The following OR6K2 variants were observed in gnomAD, a reference collection of about 807,000 sequenced individuals.
The protein encoded by OR6K2 is olfactory receptor family 6 subfamily K member 2.
For missense variants in OR6K2, 450 were observed against 402.5 expected, an observed-to-expected ratio of 1.12 and a Z score of -1.01; for synonymous variants, 139 against 143.8, an observed-to-expected ratio of 0.97 and a Z score of 0.24.
chr1:158,700,382 T>C lies in OR6K2; in HGVS notation c.271A>G (p.Ile91Val). 6.2e-7 allele frequency: 1 copy of C among 1,614,100 alleles called. No individual in the cohort carries two copies. Among genetic ancestry groups the C allele is most frequent in the Non-Finnish European group, 8.5e-7 (1 of 1,180,018 alleles). Residue 91 changes from isoleucine to valine, a missense_variant, in exon 1 of 1, where the codon ATT (isoleucine) becomes GTT (valine). Transcript: ENST00000359610. Reference protein sequence around the residue: ...MLSSLLSERSISFNGCLLQMY... With the variant: ...MLSSLLSERSVSFNGCLLQMY... ...TGCAGGAGACAACCATTGAAGGAAA[T>C]GCTCCTCTCACTAAGCAGGCTAGAC...
chr1:158,700,421 T>C lies in OR6K2; in HGVS notation c.232A>G (p.Ile78Val). 1.9e-6 allele frequency: 3 copies of C among 1,614,132 alleles called. No homozygotes were observed. Among genetic ancestry groups the C allele is most frequent in the African/African-American group, 1.3e-5 (1 of 75,012 alleles). The change falls in exon 1 of 1, where the codon ATC becomes GTC. Residue 78 changes from isoleucine (I) to valine (V), a missense_variant. Coordinates refer to ENST00000359610, the MANE Select transcript of OR6K2 (RefSeq NM_001005279.3). ...FLEIWYTTAT[I>V]PKMLSSLLSE... ...AGCAGGCTAGACAGCATCTTTGGGA[T>C]TGTGGCTGTGGTATACCAAATCTCC...
Position 158,700,286 on chromosome 1 carries a change from G to A in OR6K2, c.367C>T (p.Leu123=), listed in dbSNP as rs776703481. The A allele has an allele frequency of 6.2e-7, 1 of 1,612,030 alleles. No individual in the cohort carries two copies. The highest frequency in any genetic ancestry group is 1.1e-5 in the South Asian group (1 of 91,076). Reference sequence around the variant, plus strand: ...TAATGAAGAGGGCTGCATATGGCCAGGTAGTGGTCAAAGGCCATAACTGTC... The same window carrying A: ...TAATGAAGAGGGCTGCATATGGCCAAGTAGTGGTCAAAGGCCATAACTGTC... The part of the protein sequence containing the change: ...LLTVMAFDHY[L]AICSPLHYPS... Residue 123 remains leucine (L), a synonymous_variant, in exon 1 of 1, where the codon CTG becomes TTG. Coordinates refer to ENST00000359610, the MANE Select transcript of OR6K2 (RefSeq NM_001005279.3).
At position 158,700,370 on chromosome 1, in the gene OR6K2, C is replaced by A. The variant is rs773659942; in HGVS notation, c.283G>T (p.Gly95Cys). The A allele has an allele frequency of 3.1e-6, 5 of 1,614,152 alleles. No homozygotes were observed. The highest frequency in any genetic ancestry group is 3.4e-6 in the Non-Finnish European group (4 of 1,180,028). The change falls in exon 1 of 1, where the codon GGT (glycine) becomes TGT (cysteine). Residue 95 changes from glycine (G) to cysteine (C), a missense_variant. By Grantham distance (159) the Gly-to-Cys change is radical. Coordinates refer to ENST00000359610, the MANE Select transcript of OR6K2 (RefSeq NM_001005279.3). ...LLSERSISFN[G>C]CLLQMYFFHS... is the part of the protein sequence containing the mutation. ...AAGAAATACATCTGCAGGAGACAAC[C>A]ATTGAAGGAAATGCTCCTCTCACTA... is the stretch of plus-strand genomic sequence containing the variant.
Position 158,700,057 on chromosome 1 carries a change from A to G in OR6K2, c.596T>C (p.Val199Ala), listed in dbSNP as rs771676814. 1.3e-5 allele frequency: 21 copies of G among 1,614,038 alleles called. No individual in the cohort carries two copies. In the African/African-American group the frequency reaches 1.6e-4, roughly 12 times the overall value. ...CTCCACTGCATGAATGACATCCACT[A>G]CCTGAATCATGACGATGGCTCGTGT... ...TDTRAIVMIQVVDVIHAVEII... is the reference protein window; with the variant it reads ...TDTRAIVMIQAVDVIHAVEII... The change falls in exon 1 of 1, where the codon GTA becomes GCA. Residue 199 changes from valine to alanine, a missense_variant. Transcript: ENST00000359610.
chr1:158,699,692 T>C lies in OR6K2; in HGVS notation c.961A>G (p.Ser321Gly), dbSNP rs761520788. ...CAGAATCTCAACTAAAATATCTTACTTGAGGTCCCTGGTCTTACGGAAAAA... is the reference window on the plus strand; with the variant it reads ...CAGAATCTCAACTAAAATATCTTACCTGAGGTCCCTGGTCTTACGGAAAAA... ...IFFSVRPGTS[S>G]KIF The change falls in exon 1 of 1, where the codon AGT (serine) becomes GGT (glycine). Residue 321 changes from serine (S) to glycine (G), a missense_variant. Ser to Gly is a moderately conservative substitution (Grantham distance 56). Transcript: ENST00000359610. 2 of 1,607,610 alleles carry C rather than the reference T, an allele frequency of 1.2e-6. No homozygotes were observed. The highest frequency in any genetic ancestry group is 2.2e-5 in the East Asian group (1 of 44,854).
chr1:158,699,942 T>C lies in OR6K2; in HGVS notation c.711A>G (p.Thr237=). ...AGTGAGAGACACACGTGGAAAATGC[T>C]GTGCGGCGGCCTCCAGCTGAATGAA... ...LRIHSAGGRR[T]AFSTCVSHFI... Residue 237 remains threonine, a synonymous_variant, in exon 1 of 1, where the codon ACA becomes ACG. Coordinates refer to ENST00000359610, the MANE Select transcript of OR6K2 (RefSeq NM_001005279.3). 6.2e-7 allele frequency: 1 copy of C among 1,614,170 alleles called. No individual in the cohort carries two copies. Among genetic ancestry groups the C allele is most frequent in the Non-Finnish European group, 8.5e-7 (1 of 1,180,034 alleles).
In OR6K2 at chr1:158,699,723, C is replaced by T. The variant is rs1446800876; in HGVS notation, c.930G>A (p.Lys310=). The part of the protein sequence containing the change: ...EAIKKHIGQA[K]IFFSVRPGTS... ...TCCCTGGTCTTACGGAAAAAAATAT[C>T]TTAGCTTGACCTATGTGCTTTTTTA... Residue 310 remains lysine, a synonymous_variant, in exon 1 of 1, where the codon AAG becomes AAA. Coordinates refer to ENST00000359610, the MANE Select transcript of OR6K2 (RefSeq NM_001005279.3). 6.2e-7 allele frequency: 1 copy of T among 1,612,486 alleles called. No individual in the cohort carries two copies. The highest frequency in any genetic ancestry group is 2.2e-5 in the East Asian group (1 of 44,894).
chr1:158,699,983 C>A lies in OR6K2; in HGVS notation c.670G>T (p.Ala224Ser). ...LIFMSYDGIV[A>S]VILRIHSAGG... is the part of the protein sequence containing the mutation. ...GCTGAATGAATACGTAGAATTACAG[C>A]CACAATACCATCGTAGGACATGAAG... The change falls in exon 1 of 1, where the codon GCT (alanine) becomes TCT (serine). Residue 224 changes from alanine to serine, a missense_variant. By Grantham distance (99) the Ala-to-Ser change is moderately conservative. Transcript: ENST00000359610. 6.2e-7 allele frequency: 1 copy of A among 1,613,300 alleles called. No individual in the cohort carries two copies. Among genetic ancestry groups the A allele is most frequent in the South Asian group, 1.1e-5 (1 of 91,064 alleles).
chr1:158,700,119 A>T lies in OR6K2; in HGVS notation c.534T>A (p.Cys178Ter). Residue 178 changes from cysteine (C) to a stop codon, truncating the protein, a stop_gained, in exon 1 of 1, where the codon TGT (cysteine) becomes TGA (stop). Transcript: ENST00000359610. LOFTEE classifies it low-confidence loss of function (END_TRUNC). ...CCAGACGCAGCACTGGGAGGAAGTCACAGAAGATATGTTCAAGGTGATTCG... is the reference window on the plus strand; with the variant it reads ...CCAGACGCAGCACTGGGAGGAAGTCTCAGAAGATATGTTCAAGGTGATTCG... ...CGSNHLEHIF[C>*]DFLPVLRLAC... is the part of the protein sequence containing the mutation. 1.2e-6 allele frequency: 2 copies of T among 1,614,160 alleles called. No homozygotes were observed. Among genetic ancestry groups the T allele is most frequent in the Non-Finnish European group, 1.7e-6 (2 of 1,180,024 alleles).
chr1:158,700,545 A>G lies in OR6K2; in HGVS notation c.108T>C (p.Ala36=). 6.2e-7 allele frequency: 1 copy of G among 1,614,174 alleles called. No individual in the cohort carries two copies. Among genetic ancestry groups the G allele is most frequent in the Non-Finnish European group, 8.5e-7 (1 of 1,180,028 alleles). ...TGACCAGGTTTCCAACAACAATGAAAGCATAGATGAAGAGCAGTGGAACAA... is the reference window on the plus strand; with the variant it reads ...TGACCAGGTTTCCAACAACAATGAAGGCATAGATGAAGAGCAGTGGAACAA... The part of the protein sequence containing the change: ...VCFVPLLFIY[A]FIVVGNLVII... The change falls in exon 1 of 1, where the codon GCT becomes GCC. Residue 36 remains alanine, a synonymous_variant. Transcript: ENST00000359610.
chr1:158,700,307 C>G lies in OR6K2; in HGVS notation c.346G>C (p.Val116Leu). 1 of 1,614,146 alleles carries G rather than the reference C, an allele frequency of 6.2e-7. No individual in the cohort carries two copies. Among genetic ancestry groups the G allele is most frequent in the Non-Finnish European group, 8.5e-7 (1 of 1,180,020 alleles). The change falls in exon 1 of 1, where the codon GTT becomes CTT. Residue 116 changes from valine to leucine, a missense_variant. By Grantham distance (32) the Val-to-Leu change is conservative. Coordinates refer to ENST00000359610, the MANE Select transcript of OR6K2 (RefSeq NM_001005279.3). ...TGICEVCLLT[V>L]MAFDHYLAIC... ...GCCAGGTAGTGGTCAAAGGCCATAA[C>G]TGTCAAGAGACACACCTCACAGATG... is the stretch of plus-strand genomic sequence containing the variant.
At position 158,700,078 on chromosome 1, in the gene OR6K2, C is replaced by A. The variant is rs761748992; in HGVS notation, c.575G>T (p.Arg192Leu). The A allele has an allele frequency of 6.3e-5, 102 of 1,614,006 alleles. No individual in the cohort carries two copies. The highest frequency in any genetic ancestry group is 3.8e-4 in the Admixed American group (23 of 60,002). The change falls in exon 1 of 1, where the codon CGA (arginine) becomes CTA (leucine). Residue 192 changes from arginine to leucine, a missense_variant. Arg to Leu is a moderately radical substitution (Grantham distance 102). Coordinates refer to ENST00000359610, the MANE Select transcript of OR6K2 (RefSeq NM_001005279.3). The part of the protein sequence containing the change: ...PVLRLACTDT[R>L]AIVMIQVVDV... ...CACTACCTGAATCATGACGATGGCT[C>A]GTGTGTCTGTGCAGGCCAGACGCAG...
Position 158,700,054 on chromosome 1 carries a change from A to G in OR6K2, c.599T>C (p.Val200Ala). The change falls in exon 1 of 1, where the codon GTG becomes GCG. Residue 200 changes from valine to alanine, a missense_variant. Val to Ala is a moderately conservative substitution (Grantham distance 64). Transcript: ENST00000359610. ...AATCTCCACTGCATGAATGACATCC[A>G]CTACCTGAATCATGACGATGGCTCG... is the stretch of plus-strand genomic sequence containing the variant. ...DTRAIVMIQV[V>A]DVIHAVEIIT... 1 of 1,614,170 alleles carries G rather than the reference A, an allele frequency of 6.2e-7. No individual in the cohort carries two copies. Among genetic ancestry groups the G allele is most frequent in the Non-Finnish European group, 8.5e-7 (1 of 1,180,036 alleles).
At position 158,699,866 on chromosome 1, in the gene OR6K2, AGCGTAG is replaced by A. The variant is rs1297098705; in HGVS notation, c.781_786del (p.Leu261_Arg262del). ...CAGAACAAAGAGTAGGTGGCAGAGA[AGCGTAG>A]GTACATGAGAGTCACACTGCCAAAG... On this transcript the variant is annotated inframe_deletion, in exon 1 of 1. Coordinates refer to ENST00000359610, the MANE Select transcript of OR6K2 (RefSeq NM_001005279.3). The A allele has an allele frequency of 8.1e-6, 13 of 1,614,056 alleles. No individual in the cohort carries two copies. In the African/African-American group the frequency reaches 1.7e-4, roughly 22 times the overall value.
Position 158,700,480 on chromosome 1 carries a change from G to A in OR6K2, c.173C>T (p.Pro58Leu). The stretch of plus-strand genomic sequence containing the variant: ...AAGAGCACTGATAAAAGTATACATG[G>A]GAGTGTGGAGGTGAGTATTCAACTG... ...VVQLNTHLHT[P>L]MYTFISALSF... The change falls in exon 1 of 1, where the codon CCC becomes CTC. Residue 58 changes from proline to leucine, a missense_variant. Transcript: ENST00000359610. The A allele has an allele frequency of 6.2e-7, 1 of 1,614,068 alleles. No homozygotes were observed. Among genetic ancestry groups the A allele is most frequent in the Non-Finnish European group, 8.5e-7 (1 of 1,179,922 alleles).
At position 158,700,112 on chromosome 1, in the gene OR6K2, G is replaced by A; in HGVS notation, c.541C>T (p.Leu181Phe). The A allele has an allele frequency of 6.2e-7, 1 of 1,614,156 alleles. No homozygotes were observed. Among genetic ancestry groups the A allele is most frequent in the Non-Finnish European group, 8.5e-7 (1 of 1,180,028 alleles). The change falls in exon 1 of 1, where the codon CTC (leucine) becomes TTC (phenylalanine). Residue 181 changes from leucine to phenylalanine, a missense_variant. Transcript: ENST00000359610. Reference sequence around the variant, plus strand: ...GTGCAGGCCAGACGCAGCACTGGGAGGAAGTCACAGAAGATATGTTCAAGG... The same window carrying A: ...GTGCAGGCCAGACGCAGCACTGGGAAGAAGTCACAGAAGATATGTTCAAGG... ...NHLEHIFCDF[L>F]PVLRLACTDT...
rs1261336750 is a variant in OR6K2, at chr1:158,700,514, T to A, written c.139A>T (p.Thr47Ser). 9.3e-6 allele frequency: 15 copies of A among 1,614,098 alleles called. No homozygotes were observed. The highest frequency in any genetic ancestry group is 1.3e-5 in the Non-Finnish European group (15 of 1,180,024). Residue 47 changes from threonine to serine, a missense_variant, in exon 1 of 1, where the codon ACA becomes TCA. By Grantham distance (58) the Thr-to-Ser change is moderately conservative. Coordinates refer to ENST00000359610, the MANE Select transcript of OR6K2 (RefSeq NM_001005279.3). The stretch of plus-strand genomic sequence containing the variant: ...AGGTGAGTATTCAACTGGACCACTG[T>A]GATGATGACCAGGTTTCCAACAACA... ...FIVVGNLVII[T>S]VVQLNTHLHT...
Position 158,700,242 on chromosome 1 carries a change from G to T in OR6K2, c.411C>A (p.Pro137=), listed in dbSNP as rs1423113035. 5.6e-6 allele frequency: 9 copies of T among 1,613,588 alleles called. No homozygotes were observed. Among genetic ancestry groups the T allele is most frequent in the Non-Finnish European group, 7.6e-6 (9 of 1,179,958 alleles). The change falls in exon 1 of 1, where the codon CCC becomes CCA. Residue 137 remains proline, a synonymous_variant. Coordinates refer to ENST00000359610, the MANE Select transcript of OR6K2 (RefSeq NM_001005279.3). ...TTAAAGTCAGTTGGGTACATAGCTTGGGGGTCATGATAGAGGGATAATGAA... is the reference window on the plus strand; with the variant it reads ...TTAAAGTCAGTTGGGTACATAGCTTTGGGGTCATGATAGAGGGATAATGAA... ...SPLHYPSIMT[P]KLCTQLTLSC...
Position 158,699,695 on chromosome 1 carries a change from A to G in OR6K2, c.958T>C (p.Ser320Pro). The change falls in exon 1 of 1, where the codon TCA becomes CCA. Residue 320 changes from serine (S) to proline (P), a missense_variant. By Grantham distance (74) the Ser-to-Pro change is moderately conservative. Coordinates refer to ENST00000359610, the MANE Select transcript of OR6K2 (RefSeq NM_001005279.3). Reference protein sequence around the residue: ...KIFFSVRPGTSSKIF With the variant: ...KIFFSVRPGTPSKIF ...AATCTCAACTAAAATATCTTACTTG[A>G]GGTCCCTGGTCTTACGGAAAAAAAT... 1 of 1,607,664 alleles carries G rather than the reference A, an allele frequency of 6.2e-7. No individual in the cohort carries two copies. Among genetic ancestry groups the G allele is most frequent in the Non-Finnish European group, 8.5e-7 (1 of 1,178,204 alleles).
Sources: gnomAD v4.1 joint callset for allele counts on GRCh38, gnomAD v4.1.1 for gene constraint, MANE v1.5 for transcripts, NCBI Gene and HGNC (gene_info 2026-07-23, HGNC 2026-07-21) for gene names.